Variants in SPOCK3 observed in about 807,000 individuals in gnomAD.
The protein encoded by SPOCK3 is SPARC (osteonectin), cwcv and kazal like domains proteoglycan 3, also known as testican-3.
A neutral mutation model predicts 56.6 loss-of-function variants in SPOCK3; 30 were observed. The ratio of observed to expected loss-of-function variants is 0.53; its 90% CI spans 0.40 to 0.72. SPOCK3 has a LOEUF of 0.72. Ranked by LOEUF, SPOCK3 falls within the 30% of genes least tolerant of loss-of-function variation. The probability of loss-of-function intolerance (pLI) is 0.00; values close to 1 mark genes in which losing one functional copy is unlikely to be tolerated. For synonymous variants in SPOCK3, 196 were observed against 183.3 expected (o/e 1.07, Z -0.56); for missense variants, 527 against 530.0 (o/e 0.99, Z 0.06).
intron 2 of SPOCK3, among the ~76,000 whole-genome samples, chr4:167,085,443 G>T (rs1221704208): frequency 6.6e-6 from 1 of 152,062 alleles, no homozygotes; most frequent in African/African-American, 2.4e-5. Flanking sequence ...TTCTTTCCAT[G>T]ACCATTTTTA....
intron 8 of SPOCK3, among the ~76,000 whole-genome samples, chr4:166,749,235 C>T (rs1426262223): frequency 7.3e-6 from 1 of 137,626 alleles, no homozygotes; most frequent in Non-Finnish European, 1.5e-5. Flanking sequence ...TTGGAACCAA[C>T]CCAAATGTCC....
intron 4 of SPOCK3, among the ~76,000 whole-genome samples, chr4:166,990,996 T>G (rs1747723161): frequency 6.6e-6 from 1 of 152,126 alleles, no homozygotes. Context: ...TTTAAAGTAA[T>G]AGGTCTAAAT....
intron 6 of SPOCK3, among the ~76,000 whole-genome samples, chr4:166,819,127 C>G (rs1396861996): frequency 1.3e-5 from 2 of 152,010 alleles, no homozygotes; most frequent in African/African-American, 4.8e-5. Flanking sequence ...ATGATGATCT[C>G]AATAGATTCA....
At chr4:166,862,655 C>T (rs1309104816) in intron 6 of SPOCK3, among the ~76,000 whole-genome samples, 1 of 151,992 alleles carries the variant, frequency 6.6e-6, no homozygotes, top group East Asian at 1.9e-4. Flanking sequence ...TTTGTTAATA[C>T]TACACAAATC....
At chr4:167,025,355 C>T (rs1463143311) in intron 3 of SPOCK3, among the ~76,000 whole-genome samples, 1 of 151,932 alleles carries the variant, frequency 6.6e-6, no homozygotes, top group Non-Finnish European at 1.5e-5. Context: ...CACCATGAGG[C>T]TCTCTGATGA....
intron 2 of SPOCK3, among the ~76,000 whole-genome samples, chr4:167,151,211 G>A (rs1344728565): frequency 2.0e-5 from 3 of 152,104 alleles, no homozygotes; most frequent in Non-Finnish European, 4.4e-5. Flanking sequence ...CTTTTGGGGT[G>A]ATTGCAACGC....
At chr4:166,789,889 T>C (rs1741151746) in intron 7 of SPOCK3, among the ~76,000 whole-genome samples, 1 of 152,208 alleles carries the variant, frequency 6.6e-6, no homozygotes, top group African/African-American at 2.4e-5. Context: ...TATTATCTTA[T>C]GTAATTTAAA....
intron 5 of SPOCK3, among the ~76,000 whole-genome samples, chr4:166,893,229 G>C (rs1307521326): frequency 6.6e-6 from 1 of 152,098 alleles, no homozygotes; most frequent in Non-Finnish European, 1.5e-5. Context: ...TTAGGCATTA[G>C]TCTACTGTAA....
intron 7 of SPOCK3, among the ~76,000 whole-genome samples, chr4:166,782,251 T>C (rs1740260508): frequency 6.6e-6 from 1 of 152,176 alleles, no homozygotes; most frequent in African/African-American, 2.4e-5. Flanking sequence ...ATACATCACA[T>C]AATGATAAAG....
At chr4:166,912,814 T>C in intron 4 of SPOCK3, 71 bp from the exon 5 acceptor site, 1 of 1,315,504 alleles carries the variant, frequency 7.6e-7, no homozygotes, top group Non-Finnish European at 1.0e-6. Context: ...AGCTCATTCC[T>C]CTCCTAAACT....
At chr4:166,799,482 T>C (rs1742315574) in intron 6 of SPOCK3, among the ~76,000 whole-genome samples, 6 of 152,194 alleles carry the variant, frequency 3.9e-5, no homozygotes, top group Non-Finnish European at 2.9e-5. Flanking sequence ...CTGAGGCTAC[T>C]CTGGAAGGAT....
chr4:166,815,080 C>A (rs1008667429), intron 6 of SPOCK3, among the ~76,000 whole-genome samples: 1 of 151,708 alleles, frequency 6.6e-6, no homozygotes, highest in Non-Finnish European at 1.5e-5. Flanking sequence ...TTGAAGTTCC[C>A]TTGTGTATGC....
chr4:166,913,778 G>GTCTCTCTCTC (rs140957483), intron 4 of SPOCK3, among the ~76,000 whole-genome samples: 1 of 149,402 alleles, frequency 6.7e-6, no homozygotes, highest in African/African-American at 2.5e-5. Context: ...ATTATTTTCT[G>GTCTCTCTCTC]TCTCTCTCTC....
intron 3 of SPOCK3, among the ~76,000 whole-genome samples, chr4:167,055,174 A>T (rs1580141437): frequency 6.6e-6 from 1 of 152,208 alleles, no homozygotes; most frequent in East Asian, 1.9e-4. Flanking sequence ...AAAAGGGGAA[A>T]ATCAACTTAT....
At chr4:166,753,454 G>C (rs1286655721) in intron 8 of SPOCK3, among the ~76,000 whole-genome samples, 3 of 151,920 alleles carry the variant, frequency 2.0e-5, no homozygotes, top group Non-Finnish European at 2.9e-5. Context: ...ACTTTGTTTA[G>C]AGTGGTTTAT....
At chr4:166,847,682 A>ATATATATATATATATATATATATAT (rs1560926835) in intron 6 of SPOCK3, among the ~76,000 whole-genome samples, 15 of 27,204 alleles carry the variant, frequency 5.5e-4, no homozygotes, top group Non-Finnish European at 5.9e-4. Flanking sequence ...TATATATATA[A>ATATATATATATATATATATATATAT]GAATCATGTT....
intron 6 of SPOCK3, among the ~76,000 whole-genome samples, chr4:166,867,923 CT>C (rs1732015139): frequency 1.3e-5 from 2 of 151,680 alleles, no homozygotes; most frequent in African/African-American, 4.8e-5. Flanking sequence ...AATTTAATTA[CT>C]TTTATATGTA....
At chr4:166,747,848 A>G (rs1735855471) in intron 8 of SPOCK3, among the ~76,000 whole-genome samples, 1 of 151,994 alleles carries the variant, frequency 6.6e-6, no homozygotes, top group South Asian at 2.1e-4. Flanking sequence ...ATAACAGAAA[A>G]ACAGAGAGCC....
chr4:166,853,894 A>G (rs1249596732), intron 6 of SPOCK3, among the ~76,000 whole-genome samples: 1 of 152,040 alleles, frequency 6.6e-6, no homozygotes, highest in Non-Finnish European at 1.5e-5. Context: ...AAAAAAAAAG[A>G]AAAAAAGATG....
Sources: allele counts gnomAD v4.1 joint callset (sites outside exome capture counted in the v4.1 genomes callset), GRCh38; gene constraint gnomAD v4.1.1; transcripts MANE v1.5; gene names NCBI Gene and HGNC (gene_info 2026-07-23, HGNC 2026-07-21).